The following SLIT3 variants were observed in gnomAD, a reference collection of about 807,000 sequenced individuals.
The protein encoded by SLIT3 is slit guidance ligand 3.
A neutral mutation model predicts 184.0 loss-of-function variants in SLIT3; 68 were observed. That is an observed-to-expected ratio of 0.37 (90% confidence interval 0.30 to 0.45). The LOEUF (loss-of-function observed/expected upper bound fraction) is 0.45. Among genes scored for constraint, SLIT3 ranks in the 20% least tolerant of loss-of-function variants. SLIT3 has a pLI of 1.00. For missense variants in SLIT3, 1,707 were observed against 2,026.0 expected (o/e 0.84, Z 3.02); for synonymous variants, 831 against 828.6 (o/e 1.00, Z -0.05).
intron 8 of SLIT3, among the ~76,000 whole-genome samples, chr5:168,811,540 T>A (rs753125037): frequency 9.2e-5 from 14 of 152,100 alleles, no homozygotes; most frequent in African/African-American, 3.4e-4. Context: ...TCTCAAGAGG[T>A]AGGAAGAGCA....
chr5:169,129,043 G>A lies in SLIT3; in HGVS notation c.413+64436C>T, dbSNP rs536353721. Reference sequence around the variant, plus strand: ...GACACTTGGAATTGGACTTGGACACGGCAGGGGAGCGGGGGTTATAATTCC... The same window carrying A: ...GACACTTGGAATTGGACTTGGACACAGCAGGGGAGCGGGGGTTATAATTCC... On this transcript the variant is annotated intron_variant, in intron 4 of 35. Transcript: ENST00000519560. Among the ~76,000 whole-genome samples the A allele has an allele frequency of 1.1e-3, 161 of 152,252 alleles. 1 individual carries two copies. Among genetic ancestry groups the A allele is most frequent in the African/African-American group, 3.3e-3 (136 of 41,546 alleles).
intron 1 of SLIT3, among the ~76,000 whole-genome samples, chr5:169,252,162 T>A (rs1169597744): frequency 6.6e-6 from 1 of 152,154 alleles, no homozygotes; most frequent in Non-Finnish European, 1.5e-5. Context: ...AAGACAAAAA[T>A]TGTCTATTTT....
intron 4 of SLIT3, among the ~76,000 whole-genome samples, chr5:169,109,376 C>T (rs1760329367): frequency 6.6e-6 from 1 of 152,212 alleles, no homozygotes; most frequent in Admixed American, 6.5e-5. Context: ...ATTCTGCCAA[C>T]AACTGAATGA....
At chr5:168,966,505 A>G (rs1293240302) in intron 4 of SLIT3, among the ~76,000 whole-genome samples, 1 of 152,190 alleles carries the variant, frequency 6.6e-6, no homozygotes, top group Non-Finnish European at 1.5e-5. Flanking sequence ...GTATGCTACC[A>G]TGGGACTGCC....
At chr5:169,046,034 G>A (rs1757611255) in intron 4 of SLIT3, among the ~76,000 whole-genome samples, 2 of 152,178 alleles carry the variant, frequency 1.3e-5, no homozygotes, top group South Asian at 2.1e-4. Flanking sequence ...TGATGAATGG[G>A]AGTCACACAG....
At chr5:168,726,422 C>CAGGGAGGAAGAGGGAGGCAGGG (rs1561896195) in intron 20 of SLIT3, among the ~76,000 whole-genome samples, 2 of 1,400 alleles carry the variant, frequency 1.4e-3, no homozygotes. Context: ...CAGAGGGAGG[C>CAGGGAGGAAGAGGGAGGCAGGG]AGGGAGGAAG....
chr5:168,926,183 T>C (rs1761817248), intron 4 of SLIT3, among the ~76,000 whole-genome samples: 1 of 151,410 alleles, frequency 6.6e-6, no homozygotes, highest in African/African-American at 2.4e-5. Context: ...ACTGAGGGCA[T>C]GTTTTCATCC....
chr5:168,796,109 G>A (rs980515574), intron 9 of SLIT3, among the ~76,000 whole-genome samples: 5 of 152,310 alleles, frequency 3.3e-5, no homozygotes, highest in Non-Finnish European at 7.3e-5. Context: ...CAGCCTTAAC[G>A]TCTTTAGGCT....
intron 5 of SLIT3, among the ~76,000 whole-genome samples, chr5:168,853,384 A>G (rs2938767): frequency 0.51 from 77,068 of 152,008 alleles, 20,413 homozygotes; most frequent in African/African-American, 0.66. Flanking sequence ...ACTAATAACC[A>G]ATCAAGTAAT....
chr5:168,970,695 T>C (rs58688394), intron 4 of SLIT3, among the ~76,000 whole-genome samples: 6,036 of 152,240 alleles, frequency 0.04, 157 homozygotes, highest in Middle Eastern at 0.065. Context: ...CTCCTGCCCC[T>C]GCCCTATTCT....
At chr5:169,150,117 C>A (rs578001417) in intron 4 of SLIT3, among the ~76,000 whole-genome samples, 3 of 152,232 alleles carry the variant, frequency 2.0e-5, no homozygotes, top group Non-Finnish European at 2.9e-5. Context: ...TATAAATATG[C>A]CTTATATGAG....
chr5:168,666,195 T>C lies in SLIT3; in HGVS notation c.*259A>G, dbSNP rs1761034950. The C allele has an allele frequency of 6.3e-6, 2 of 317,664 alleles. No homozygotes were observed. The highest frequency in any genetic ancestry group is 4.3e-5 in the African/African-American group (2 of 47,054). The allele number at this position is 317,664 out of a possible 1,614,324, so 19.7% of individuals were successfully genotyped here. ...CACAACAAATACACAACACAAAACT[T>C]GGTAAAAATAACTCACTATATGGTA... is the stretch of plus-strand genomic sequence containing the variant. On this transcript the variant is annotated 3_prime_UTR_variant, in exon 36 of 36. Coordinates refer to ENST00000519560, the MANE Select transcript of SLIT3 (RefSeq NM_003062.4).
intron 4 of SLIT3, among the ~76,000 whole-genome samples, chr5:168,911,938 C>A (rs1364079763): frequency 6.6e-6 from 1 of 152,204 alleles, no homozygotes; most frequent in Non-Finnish European, 1.5e-5. Context: ...TTCACTTACA[C>A]AACAATCCAC....
intron 4 of SLIT3, among the ~76,000 whole-genome samples, chr5:169,115,387 A>G (rs1760622099): frequency 6.6e-6 from 1 of 152,176 alleles, no homozygotes; most frequent in African/African-American, 2.4e-5. Flanking sequence ...GCAGAGTTCC[A>G]TGGTTTTCTC....
chr5:168,761,509 G>A (rs1755146631), intron 15 of SLIT3, among the ~76,000 whole-genome samples: 1 of 152,080 alleles, frequency 6.6e-6, no homozygotes, highest in Non-Finnish European at 1.5e-5. Context: ...GATTCAAGAT[G>A]AGTTCCATGC....
At chr5:168,847,340 T>C (rs1758508304) in intron 5 of SLIT3, among the ~76,000 whole-genome samples, 1 of 152,202 alleles carries the variant, frequency 6.6e-6, no homozygotes. Context: ...CACAGATAAA[T>C]GAAAACAGAC....
At chr5:169,044,991 A>G (rs1757579418) in intron 4 of SLIT3, among the ~76,000 whole-genome samples, 1 of 152,186 alleles carries the variant, frequency 6.6e-6, no homozygotes, top group Non-Finnish European at 1.5e-5. Flanking sequence ...CCATCACGGG[A>G]TGAGAAGAAC....
intron 4 of SLIT3, among the ~76,000 whole-genome samples, chr5:169,023,350 A>G (rs937439733): frequency 6.6e-6 from 1 of 152,146 alleles, no homozygotes; most frequent in Non-Finnish European, 1.5e-5. Flanking sequence ...GTCTGTGTGT[A>G]GAAATTTTTT....
intron 1 of SLIT3, among the ~76,000 whole-genome samples, chr5:169,266,257 C>T (rs1766392905): frequency 6.6e-6 from 1 of 152,134 alleles, no homozygotes; most frequent in South Asian, 2.1e-4. Context: ...CTGGGGCCAA[C>T]CTTTGGAAAT....
Sources: gnomAD v4.1 joint callset for allele counts (sites outside exome capture counted in the v4.1 genomes callset) on GRCh38, gnomAD v4.1.1 for gene constraint, MANE v1.5 for transcripts, NCBI Gene and HGNC (gene_info 2026-07-23, HGNC 2026-07-21) for gene names.